Variants in PTPN4 observed in about 807,000 individuals in gnomAD.
The protein encoded by PTPN4 is tyrosine-protein phosphatase non-receptor type 4.
PTPN4 carries 49 observed loss-of-function variants against 135.5 expected under a neutral mutation model. The ratio of observed to expected loss-of-function variants is 0.36; its 90% CI spans 0.29 to 0.46. The LOEUF (loss-of-function observed/expected upper bound fraction) is 0.46, where lower values mean the gene tolerates loss of function less well. PTPN4 is among the 20% of genes least tolerant of loss of function. The pLI, the probability that PTPN4 is intolerant of heterozygous loss-of-function variation, is 1.00. For missense variants in PTPN4, 860 were observed against 1,101.0 expected (o/e 0.78, Z 3.10); for synonymous variants, 333 against 369.9 (o/e 0.90, Z 1.14).
chr2:119,767,699 CAACTT>C lies in PTPN4; in HGVS notation c.-18+7318_-18+7322del, dbSNP rs1459863641. The stretch of plus-strand genomic sequence containing the variant: ...CTTTTTTTCTGTTACATGTTTTCCT[CAACTT>C]AAGTTCATCCAGTGGTTCCTCATGT... On this transcript the variant is annotated intron_variant, in intron 1 of 26. Transcript: ENST00000263708. 3.9e-5 allele frequency among the ~76,000 whole-genome samples: 6 copies of C among 152,312 alleles called. No homozygotes were observed. The East Asian group carries it at 1.2e-3, about 29-fold the overall frequency.
At chr2:119,790,209 A>T (rs1006557454) in intron 1 of PTPN4, among the ~76,000 whole-genome samples, 1 of 152,076 alleles carries the variant, frequency 6.6e-6, no homozygotes, top group Admixed American at 6.6e-5. Context: ...ATAGTGTTCT[A>T]TAAATGTCTG....
At chr2:119,855,471 G>A (rs1272700619) in intron 2 of PTPN4, among the ~76,000 whole-genome samples, 3 of 152,100 alleles carry the variant, frequency 2.0e-5, no homozygotes, top group Non-Finnish European at 2.9e-5. Flanking sequence ...GAGAGACACC[G>A]GCAGATTTTT....
chr2:119,880,638 G>A (rs944261773), intron 5 of PTPN4, among the ~76,000 whole-genome samples: 2 of 150,750 alleles, frequency 1.3e-5, no homozygotes, highest in South Asian at 2.1e-4. Flanking sequence ...GGGTTTCACC[G>A]TGTTAGCCAG....
At position 119,835,727 on chromosome 2, in the gene PTPN4, T is replaced by C. The variant is rs538941907; in HGVS notation, c.138+25736T>C. Among the ~76,000 whole-genome samples the C allele has an allele frequency of 2.6e-4, 40 of 152,262 alleles. 2 individuals carry two copies. The highest frequency in any genetic ancestry group is 1.9e-3 in the South Asian group (9 of 4,814). ...TATTAAATAATTATGTTTTTTCTTA[T>C]ATGGAAAATAGTCCCTCTGTCCATC... On this transcript the variant is annotated intron_variant, in intron 2 of 26. Coordinates refer to ENST00000263708, the MANE Select transcript of PTPN4 (RefSeq NM_002830.4).
At chr2:119,804,602 C>T (rs868186606) in intron 1 of PTPN4, among the ~76,000 whole-genome samples, 31 of 152,310 alleles carry the variant, frequency 2.0e-4, no homozygotes, top group African/African-American at 4.8e-4. Context: ...CTGCAAAGGA[C>T]GTGAACTCAT....
At chr2:119,784,021 A>C (rs1690996464) in intron 1 of PTPN4, among the ~76,000 whole-genome samples, 1 of 151,716 alleles carries the variant, frequency 6.6e-6, no homozygotes, top group African/African-American at 2.4e-5. Context: ...TGTTGAGCAG[A>C]GCACTTATGT....
Position 119,887,168 on chromosome 2 carries a change from TTAAA to T in PTPN4, c.675+1289_675+1292del, listed in dbSNP as rs1238614725. On this transcript the variant is annotated intron_variant, in intron 9 of 26. Coordinates refer to ENST00000263708, the MANE Select transcript of PTPN4 (RefSeq NM_002830.4). ...AATAAAGTTTAAAACAGATGGAACTTTAAATATATGAATTAAACTATGGTTAAAA... is the reference window on the plus strand; with the variant it reads ...AATAAAGTTTAAAACAGATGGAACTTTATATGAATTAAACTATGGTTAAAA... 4.6e-5 allele frequency among the ~76,000 whole-genome samples: 7 copies of T among 152,256 alleles called. No individual in the cohort carries two copies. The South Asian group carries it at 1.2e-3, about 27-fold the overall frequency.
At chr2:119,775,615 G>A (rs1029183110) in intron 1 of PTPN4, among the ~76,000 whole-genome samples, 5 of 152,188 alleles carry the variant, frequency 3.3e-5, no homozygotes, top group Non-Finnish European at 5.9e-5. Context: ...AGAGAACCCT[G>A]ATAGAACATC....
At chr2:119,778,706 C>T (rs1426085426) in intron 1 of PTPN4, among the ~76,000 whole-genome samples, 1 of 152,128 alleles carries the variant, frequency 6.6e-6, no homozygotes, top group Non-Finnish European at 1.5e-5. Flanking sequence ...AGAAATGGCA[C>T]AAATTAGATT....
chr2:119,804,483 A>G (rs1558731047), intron 1 of PTPN4, among the ~76,000 whole-genome samples: 2 of 152,002 alleles, frequency 1.3e-5, no homozygotes, highest in East Asian at 1.9e-4. Flanking sequence ...CCTGTGTCCA[A>G]GTGTTCTCAT....
At chr2:119,943,580 C>CTTTTTT (rs70949374) in intron 15 of PTPN4, among the ~76,000 whole-genome samples, 46 of 79,906 alleles carry the variant, frequency 5.8e-4, no homozygotes, top group Admixed American at 1.2e-3. Flanking sequence ...TCATTTTTTT[C>CTTTTTT]TTTTTTTTTT....
chr2:119,841,553 T>C (rs915201652), intron 2 of PTPN4, among the ~76,000 whole-genome samples: 12 of 152,346 alleles, frequency 7.9e-5, no homozygotes, highest in Admixed American at 2.6e-4. Flanking sequence ...GATGTATTTA[T>C]GCATATATAT....
chr2:119,877,268 A>G (rs942482651), intron 3 of PTPN4, 55 bp from the exon 4 acceptor site: 1 of 1,557,748 alleles, frequency 6.4e-7, no homozygotes, highest in African/African-American at 1.4e-5. Flanking sequence ...TGCAAGAATC[A>G]ATATAGTAGT....
In PTPN4 at chr2:119,965,587, G is replaced by T; in HGVS notation, c.2500G>T (p.Val834Phe). 6.2e-7 allele frequency: 1 copy of T among 1,614,040 alleles called. No homozygotes were observed. The highest frequency in any genetic ancestry group is 8.5e-7 in the Non-Finnish European group (1 of 1,179,950). Residue 834 changes from valine to phenylalanine, a missense_variant, in exon 25 of 27, where the codon GTT (valine) becomes TTT (phenylalanine). By Grantham distance (50) the Val-to-Phe change is conservative. Coordinates refer to ENST00000263708, the MANE Select transcript of PTPN4 (RefSeq NM_002830.4). Reference protein sequence around the residue: ...PDDSSDFLDFVCHVRNKRAGK... With the variant: ...PDDSSDFLDFFCHVRNKRAGK... ...TGATTCGAGTGACTTTCTAGATTTTGTTTGTCATGTACGAAACAAGAGGGC... is the reference window on the plus strand; with the variant it reads ...TGATTCGAGTGACTTTCTAGATTTTTTTTGTCATGTACGAAACAAGAGGGC...
intron 1 of PTPN4, among the ~76,000 whole-genome samples, chr2:119,796,022 CT>C (rs1372820855): frequency 6.6e-6 from 1 of 152,198 alleles, no homozygotes; most frequent in East Asian, 1.9e-4. Flanking sequence ...CTGCGGGCCC[CT>C]GAGATGCAGT....
Position 119,810,077 on chromosome 2 carries a change from A to G in PTPN4, c.138+86A>G, listed in dbSNP as rs947043153. Reference sequence around the variant, plus strand: ...ATGTAAACTAGGATTATTAAATTATAGTACAGTTTGAAAAGTCTTATTCAA... The same window carrying G: ...ATGTAAACTAGGATTATTAAATTATGGTACAGTTTGAAAAGTCTTATTCAA... On this transcript the variant is annotated intron_variant, in intron 2 of 26. Transcript: ENST00000263708. The G allele has an allele frequency of 1.6e-5, 23 of 1,408,232 alleles. No individual in the cohort carries two copies. In the East Asian group the frequency reaches 5.4e-4, roughly 33 times the overall value. The allele number at this position is 1,408,232 out of a possible 1,614,324, so 87.2% of individuals were successfully genotyped here.
chr2:119,847,275 T>TACAC (rs775485671), intron 2 of PTPN4, among the ~76,000 whole-genome samples: 6,262 of 107,276 alleles, frequency 0.058, 253 homozygotes, highest in Non-Finnish European at 0.079. Context: ...ATACTCTATA[T>TACAC]ACACACACAC....
chr2:119,845,363 T>A (rs1677481204), intron 2 of PTPN4, among the ~76,000 whole-genome samples: 1 of 152,118 alleles, frequency 6.6e-6, no homozygotes, highest in Admixed American at 6.5e-5. Context: ...GGATCTGATT[T>A]TTTCTTTATG....
At chr2:119,975,836 A>G (rs896720279) in intron 26 of PTPN4, among the ~76,000 whole-genome samples, 1 of 152,158 alleles carries the variant, frequency 6.6e-6, no homozygotes. Flanking sequence ...AGATTTTTAT[A>G]ATTATATGCT....
Sources: gnomAD v4.1 joint callset for allele counts (sites outside exome capture counted in the v4.1 genomes callset) on GRCh38, gnomAD v4.1.1 for gene constraint, MANE v1.5 for transcripts, NCBI Gene and HGNC (gene_info 2026-07-23, HGNC 2026-07-21) for gene names.